DCC: variants seen among roughly 807,000 people sequenced by gnomAD.
DCC encodes the protein netrin receptor DCC.
Under a neutral mutation model 172.5 loss-of-function variants are expected in DCC, and 58 were observed. The observed-to-expected ratio is 0.34, with a 90% CI of 0.27 to 0.42. The LOEUF is 0.42. Among genes scored for constraint, DCC ranks in the 10% least tolerant of loss-of-function variants. DCC has a pLI of 1.00. For synonymous variants in DCC, 709 were observed against 644.5 expected, an observed-to-expected ratio of 1.10 and a Z score of -1.52; for missense variants, 1,740 against 1,791.0, an observed-to-expected ratio of 0.97 and a Z score of 0.51.
chr18:52,478,548 T>C (rs1229344012), intron 1 of DCC, among the ~76,000 whole-genome samples: 1 of 152,162 alleles, frequency 6.6e-6, no homozygotes, highest in Non-Finnish European at 1.5e-5. Context: ...CTGGGTAAAT[T>C]ATAAAGAAAA....
At chr18:53,001,667 G>T (rs965588370) in intron 5 of DCC, among the ~76,000 whole-genome samples, 1 of 152,012 alleles carries the variant, frequency 6.6e-6, no homozygotes, top group South Asian at 2.1e-4. Context: ...AATCATACAC[G>T]TGTTTTTGTT....
chr18:52,915,278 T>G (rs1286785458), intron 3 of DCC, among the ~76,000 whole-genome samples: 1 of 152,108 alleles, frequency 6.6e-6, no homozygotes, highest in African/African-American at 2.4e-5. Flanking sequence ...TCAGGATACA[T>G]TTGATCACAT....
chr18:52,788,795 A>AAAGACAG (rs1568104130), intron 2 of DCC, among the ~76,000 whole-genome samples: 1 of 152,174 alleles, frequency 6.6e-6, no homozygotes. Flanking sequence ...AGCTGAAGGC[A>AAAGACAG]AAGACAGACC....
At chr18:52,350,964 G>C (rs181015632) in intron 1 of DCC, among the ~76,000 whole-genome samples, 4 of 152,088 alleles carry the variant, frequency 2.6e-5, no homozygotes, top group Admixed American at 2.6e-4. Context: ...AGCCCAGTGA[G>C]ATAAATATGC....
At chr18:53,513,986 C>G (rs1331486984) in intron 27 of DCC, among the ~76,000 whole-genome samples, 1 of 151,178 alleles carries the variant, frequency 6.6e-6, no homozygotes, top group Non-Finnish European at 1.5e-5. Flanking sequence ...ACAGAACTCT[C>G]CACCCCAAAT....
intron 15 of DCC, among the ~76,000 whole-genome samples, chr18:53,373,597 G>T (rs541194967): frequency 6.6e-6 from 1 of 152,146 alleles, no homozygotes; most frequent in Admixed American, 6.5e-5. Context: ...AAAGCACAAG[G>T]TTAAAAATGA....
At position 53,213,647 on chromosome 18, in the gene DCC, C is replaced by CAAAAA. The variant is rs34284373; in HGVS notation, c.1862-1878_1862-1874dup. ...TGGGTGACAGAGCGAGACTCCGTCT[C>CAAAAA]AAAAAAAAAAAAAAAAAAAAAAAAA... is the stretch of plus-strand genomic sequence containing the variant. On this transcript the variant is annotated intron_variant, in intron 11 of 28. Coordinates refer to ENST00000442544, the MANE Select transcript of DCC (RefSeq NM_005215.4). 5.7e-4 allele frequency among the ~76,000 whole-genome samples: 20 copies of CAAAAA among 35,358 alleles called. 3 individuals carry two copies. The highest frequency in any genetic ancestry group is 1.6e-3 in the South Asian group (1 of 628). The allele number at this position is 35,358 out of a possible 152,430, so 23.2% of individuals were successfully genotyped here.
intron 13 of DCC, 24 bp downstream of exon 13, chr18:53,305,743 T>C (rs1180294945): frequency 3.7e-6 from 6 of 1,610,870 alleles, no homozygotes; most frequent in Non-Finnish European, 5.1e-6. Flanking sequence ...TGGTGTAGTC[T>C]TGCAAGGTTT....
chr18:53,090,702 A>AAAAAAAAAAAAAC (rs1382811595), intron 7 of DCC, among the ~76,000 whole-genome samples: 1 of 54,148 alleles, frequency 1.8e-5, no homozygotes. Flanking sequence ...CCCCAACAAA[A>AAAAAAAAAAAAAC]AAAAAAAAAA....
At chr18:53,248,928 G>A (rs2056397012) in intron 12 of DCC, among the ~76,000 whole-genome samples, 1 of 151,926 alleles carries the variant, frequency 6.6e-6, no homozygotes, top group African/African-American at 2.4e-5. Context: ...TTTTTGTTTG[G>A]CATTTAAGAA....
At chr18:52,905,006 C>T (rs545010120) in intron 2 of DCC, among the ~76,000 whole-genome samples, 5 of 152,078 alleles carry the variant, frequency 3.3e-5, no homozygotes, top group African/African-American at 1.2e-4. Context: ...CACAAATATC[C>T]ACTTGTTCAT....
intron 1 of DCC, among the ~76,000 whole-genome samples, chr18:52,670,177 G>T (rs1470548309): frequency 6.6e-6 from 1 of 152,154 alleles, no homozygotes; most frequent in Non-Finnish European, 1.5e-5. Flanking sequence ...ACTTGTTCGG[G>T]GCTGACTTTC....
chr18:53,320,057 T>A (rs889249468), intron 13 of DCC, among the ~76,000 whole-genome samples: 1 of 142,028 alleles, frequency 7.0e-6, no homozygotes, highest in African/African-American at 2.6e-5. Flanking sequence ...AACTTCTACA[T>A]AACGCAAGAG....
intron 5 of DCC, among the ~76,000 whole-genome samples, chr18:52,963,997 A>G (rs910380049): frequency 4.6e-5 from 7 of 152,198 alleles, no homozygotes; most frequent in South Asian, 2.1e-4. Context: ...CAAAACATGC[A>G]TATTACAATC....
intron 26 of DCC, among the ~76,000 whole-genome samples, chr18:53,490,341 A>G (rs576254068): frequency 1.7e-4 from 26 of 152,300 alleles, no homozygotes; most frequent in African/African-American, 6.3e-4. Context: ...CTTTGCTTAG[A>G]GTTATTGGCT....
chr18:53,036,302 A>C lies in DCC; in HGVS notation c.986-27003A>C, dbSNP rs528705231. On this transcript the variant is annotated intron_variant, in intron 5 of 28. Coordinates refer to ENST00000442544, the MANE Select transcript of DCC (RefSeq NM_005215.4). ...GGACTTCTTCCAAGATTGATCTATTAGGGCACAATTTGAGTATCTTGCAAA... is the reference window on the plus strand; with the variant it reads ...GGACTTCTTCCAAGATTGATCTATTCGGGCACAATTTGAGTATCTTGCAAA... Among the ~76,000 whole-genome samples, 5 of 152,168 alleles carry C rather than the reference A, an allele frequency of 3.3e-5. No homozygotes were observed. In the East Asian group the frequency reaches 9.7e-4, roughly 29 times the overall value.
At chr18:52,613,469 A>G (rs947462257) in intron 1 of DCC, among the ~76,000 whole-genome samples, 1 of 151,934 alleles carries the variant, frequency 6.6e-6, no homozygotes, top group Non-Finnish European at 1.5e-5. Flanking sequence ...GTTAGCCAGG[A>G]TGGTCTTGAT....
At chr18:52,742,047 A>C (rs1370364130) in intron 1 of DCC, among the ~76,000 whole-genome samples, 1 of 152,158 alleles carries the variant, frequency 6.6e-6, no homozygotes, top group Non-Finnish European at 1.5e-5. Context: ...ATGAACAAAG[A>C]AGAGGTCATG....
At chr18:52,551,876 T>C (rs966798846) in intron 1 of DCC, among the ~76,000 whole-genome samples, 6 of 152,186 alleles carry the variant, frequency 3.9e-5, no homozygotes, top group African/African-American at 1.4e-4. Context: ...AGCAGCATTG[T>C]CTATTCCAAT....
Sources: allele counts gnomAD v4.1 joint callset (sites outside exome capture counted in the v4.1 genomes callset), GRCh38; gene constraint gnomAD v4.1.1; transcripts MANE v1.5; gene names NCBI Gene and HGNC (gene_info 2026-07-23, HGNC 2026-07-21).